The following RUNX1T1 variants were observed in gnomAD, a reference collection of about 807,000 sequenced individuals.
RUNX1T1 encodes the protein RUNX1 partner transcriptional co-repressor 1.
A neutral mutation model predicts 62.8 loss-of-function variants in RUNX1T1; 4 were observed. The ratio of observed to expected loss-of-function variants is 0.06; its 90% CI spans 0.03 to 0.15. The LOEUF is 0.15. Ranked by LOEUF, RUNX1T1 falls within the 10% of genes least tolerant of loss-of-function variation. RUNX1T1 has a pLI of 1.00. For synonymous variants in RUNX1T1, 291 were observed against 286.0 expected (o/e 1.02, Z -0.18); for missense variants, 508 against 754.3 (o/e 0.67, Z 3.82).
rs545304008 is a variant in RUNX1T1, at chr8:92,014,846, A to G, written c.146-26T>C. On this transcript the variant is annotated intron_variant, in intron 2 of 10. Coordinates refer to ENST00000396218, the Ensembl canonical transcript of RUNX1T1. Reference sequence around the variant, plus strand: ...CTGTCAAGAGCACAAAATCAGAAGGAAGTCATAAACTTACAGAGAACATGC... The same window carrying G: ...CTGTCAAGAGCACAAAATCAGAAGGGAGTCATAAACTTACAGAGAACATGC... 26 of 1,578,260 alleles carry G rather than the reference A, an allele frequency of 1.6e-5. No individual in the cohort carries two copies. The African/African-American group carries it at 3.5e-4, about 21-fold the overall frequency.
chr8:92,029,175 T>C (rs1039259206), intron 1 of RUNX1T1, among the ~76,000 whole-genome samples: 4 of 152,154 alleles, frequency 2.6e-5, no homozygotes, highest in South Asian at 2.1e-4. Context: ...TTGATTTTAA[T>C]TGAATGTACT....
intron 1 of RUNX1T1, among the ~76,000 whole-genome samples, chr8:92,052,705 C>T (rs1277637466): frequency 6.6e-6 from 1 of 152,130 alleles, no homozygotes; most frequent in African/African-American, 2.4e-5. Flanking sequence ...ACTGGGTCTA[C>T]CCACAGAGTT....
chr8:92,037,549 T>C (rs1350764544), intron 1 of RUNX1T1, among the ~76,000 whole-genome samples: 1 of 152,106 alleles, frequency 6.6e-6, no homozygotes, highest in Non-Finnish European at 1.5e-5. Context: ...CATGGTGGCA[T>C]GCATCTGTAG....
chr8:92,082,194 G>A (rs1246083809), intron 1 of RUNX1T1, among the ~76,000 whole-genome samples: 2 of 152,106 alleles, frequency 1.3e-5, no homozygotes, highest in Admixed American at 6.6e-5. Flanking sequence ...CTAAGTTGTG[G>A]TATTTTTGTA....
At chr8:92,072,895 T>C (rs984274857) in intron 2 of RUNX1T1, among the ~76,000 whole-genome samples, 1 of 152,204 alleles carries the variant, frequency 6.6e-6, no homozygotes, top group Non-Finnish European at 1.5e-5. Flanking sequence ...ATCAGCATTT[T>C]AAAAATACCT....
intron 1 of RUNX1T1, among the ~76,000 whole-genome samples, chr8:92,038,068 T>TTATTTATTTATTTATTTATTTATG (rs927087554): frequency 2.6e-5 from 4 of 151,932 alleles, no homozygotes; most frequent in African/African-American, 9.7e-5. Context: ...ATTTATTTAT[T>TTATTTATTTATTTATTTATTTATG]TATGTATTCT....
intron 3 of RUNX1T1, among the ~76,000 whole-genome samples, chr8:92,011,924 A>C (rs942740349): frequency 6.6e-6 from 1 of 152,152 alleles, no homozygotes; most frequent in Non-Finnish European, 1.5e-5. Flanking sequence ...ATTAACCCTC[A>C]TTTCATTCGT....
chr8:92,091,042 T>G (rs1169156671), intron 1 of RUNX1T1, among the ~76,000 whole-genome samples: 1 of 152,164 alleles, frequency 6.6e-6, no homozygotes, highest in Non-Finnish European at 1.5e-5. Context: ...CACTTAGAAG[T>G]GGTCTGTGCC....
At chr8:92,059,987 G>A (rs1273411803) in intron 1 of RUNX1T1, among the ~76,000 whole-genome samples, 3 of 152,088 alleles carry the variant, frequency 2.0e-5, no homozygotes, top group African/African-American at 7.2e-5. Context: ...TAAGGAAATA[G>A]TCCTGAAAGC....
chr8:91,968,366 C>T (rs1351298206), intron 10 of RUNX1T1, among the ~76,000 whole-genome samples: 4 of 152,090 alleles, frequency 2.6e-5, no homozygotes, highest in Non-Finnish European at 4.4e-5. Flanking sequence ...TGCCCTGCAC[C>T]CTAGGTTACA....
chr8:92,028,658 GT>G (rs1466784822), intron 1 of RUNX1T1, among the ~76,000 whole-genome samples: 1 of 152,128 alleles, frequency 6.6e-6, no homozygotes, highest in Non-Finnish European at 1.5e-5. Context: ...ACAAAGAAAA[GT>G]TTAAAGCCCC....
chr8:92,008,099 G>A (rs781574432), intron 4 of RUNX1T1, among the ~76,000 whole-genome samples: 2 of 152,068 alleles, frequency 1.3e-5, no homozygotes, highest in East Asian at 3.9e-4. Context: ...GCACATGACT[G>A]TATATGCATA....
intron 1 of RUNX1T1, among the ~76,000 whole-genome samples, chr8:92,049,245 C>A (rs1034462416): frequency 2.0e-5 from 3 of 152,182 alleles, no homozygotes; most frequent in African/African-American, 7.2e-5. Context: ...TTCGAATTAC[C>A]CTCAAACCTC....
chr8:91,977,733 A>AT (rs931463279), intron 8 of RUNX1T1, among the ~76,000 whole-genome samples: 51 of 151,876 alleles, frequency 3.4e-4, no homozygotes, highest in Middle Eastern at 3.4e-3. Flanking sequence ...CAAAGTAGCA[A>AT]TTTTTTTTTC....
chr8:91,999,956 C>G (rs1474117452), intron 5 of RUNX1T1, among the ~76,000 whole-genome samples: 1 of 152,056 alleles, frequency 6.6e-6, no homozygotes, highest in Non-Finnish European at 1.5e-5. Context: ...AAAGTTGAAG[C>G]TGGAATGTGG....
chr8:91,983,626 T>G (rs891350242), intron 8 of RUNX1T1, among the ~76,000 whole-genome samples: 1 of 152,178 alleles, frequency 6.6e-6, no homozygotes, highest in African/African-American at 2.4e-5. Context: ...GATATAGACA[T>G]ATCCATATCT....
chr8:92,092,002 G>A (rs1837097368), intron 1 of RUNX1T1, among the ~76,000 whole-genome samples: 1 of 152,068 alleles, frequency 6.6e-6, no homozygotes, highest in Non-Finnish European at 1.5e-5. Flanking sequence ...CAATTCACAT[G>A]TGAAGCCACA....
At chr8:91,957,402 C>CT (rs1809546083), downstream of RUNX1T1, 2 of 227,696 alleles carry the variant, frequency 8.8e-6, no homozygotes, top group Non-Finnish European at 1.7e-5. Flanking sequence ...TAGAGTGAAA[C>CT]TTTTTGCCAC....
upstream of RUNX1T1, among the ~76,000 whole-genome samples, chr8:92,100,626 G>A (rs1251050619): frequency 6.6e-6 from 1 of 151,974 alleles, no homozygotes; most frequent in South Asian, 2.1e-4. Flanking sequence ...AAAAAAGCCC[G>A]GATCAAACCA....
Sources: allele counts gnomAD v4.1 joint callset (sites outside exome capture counted in the v4.1 genomes callset), GRCh38; gene constraint gnomAD v4.1.1; transcripts MANE v1.5; gene names NCBI Gene and HGNC (gene_info 2026-07-23, HGNC 2026-07-21).